The following EXOC7 variants were observed in gnomAD, a reference collection of about 807,000 sequenced individuals.
The protein encoded by EXOC7 is exocyst complex component 7.
EXOC7 carries 51 observed loss-of-function variants against 87.6 expected under a neutral mutation model. That is an observed-to-expected ratio of 0.58 (90% confidence interval 0.46 to 0.73). EXOC7 has a LOEUF of 0.73. Among genes scored for constraint, EXOC7 ranks in the 30% least tolerant of loss-of-function variants. The pLI, the probability that EXOC7 is intolerant of heterozygous loss-of-function variation, is 0.00. For missense variants in EXOC7, 744 were observed against 888.4 expected (o/e 0.84, Z 2.07); for synonymous variants, 327 against 357.1 (o/e 0.92, Z 0.95).
At chr17:76,098,133 G>T in intron 4 of EXOC7, 115 bp from the exon 5 acceptor site, 1 of 822,272 alleles carries the variant, frequency 1.2e-6, no homozygotes, top group Non-Finnish European at 1.9e-6. Flanking sequence ...GCCCTTTTCT[G>T]CCCTGATATC....
intron 5 of EXOC7, among the ~76,000 whole-genome samples, chr17:76,095,455 T>A (rs1297428388): frequency 1.3e-5 from 2 of 152,198 alleles, no homozygotes; most frequent in African/African-American, 4.8e-5. Flanking sequence ...TTTTAAATAG[T>A]ACTTTTTTTT....
intron 12 of EXOC7, chr17:76,086,794 G>C: frequency 6.7e-7 from 1 of 1,487,256 alleles, no homozygotes; most frequent in South Asian, 1.2e-5. Context: ...CAGTCCCCAG[G>C]GAACCTCACC....
chr17:76,102,032 G>A lies in EXOC7; in HGVS notation c.127-169C>T, dbSNP rs546186180. ...CCACTGTATCTTCAGCACCTATCATGTGCCTGGCATATAGTAGGTGGTCTA... is the reference window on the plus strand; with the variant it reads ...CCACTGTATCTTCAGCACCTATCATATGCCTGGCATATAGTAGGTGGTCTA... On this transcript the variant is annotated intron_variant, in intron 2 of 18. Coordinates refer to ENST00000589210, the MANE Select transcript of EXOC7 (RefSeq NM_001013839.4). Among the ~76,000 whole-genome samples the A allele has an allele frequency of 3.3e-5, 5 of 152,254 alleles. No individual in the cohort carries two copies. The South Asian group carries it at 6.2e-4, about 19-fold the overall frequency.
Position 76,085,765 on chromosome 17 carries a change from G to C in EXOC7, c.1528C>G (p.Leu510Val), listed in dbSNP as rs752646985. 8.7e-6 allele frequency: 14 copies of C among 1,613,678 alleles called. 1 individual carries two copies. The South Asian group carries it at 1.5e-4, about 18-fold the overall frequency. Residue 510 changes from leucine (L) to valine (V), a missense_variant, in exon 14 of 19, where the codon CTG (leucine) becomes GTG (valine). Around this residue, in one of 3 missense-constraint regions of EXOC7, gnomAD observed 228 missense variants for 298.6 expected, o/e 0.76. Transcript: ENST00000589210. ...KVLGNLQLNL[L>V]SKSKVYEDPA... The stretch of plus-strand genomic sequence containing the variant: ...TCCTCGTACACCTTGGACTTGCTCA[G>C]CAAGTTCAACTGCAGGTTGCCCAGC...
chr17:76,082,004 G>C lies in EXOC7; in HGVS notation c.*1644C>G. ...GAGCGGCCCCAGCCCAGCCCCGAGA[G>C]GGGAACAGCGAGAGCACGGCAACCC... On this transcript the variant is annotated 3_prime_UTR_variant, in exon 19 of 19. Coordinates refer to ENST00000589210, the MANE Select transcript of EXOC7 (RefSeq NM_001013839.4). 2 of 1,611,596 alleles carry C rather than the reference G, an allele frequency of 1.2e-6. No homozygotes were observed. Among genetic ancestry groups the C allele is most frequent in the East Asian group, 4.5e-5 (2 of 44,832 alleles).
Position 76,085,412 on chromosome 17 carries a change from G to A in EXOC7, c.1617-3C>T, listed in dbSNP as rs376586430. 3.1e-6 allele frequency: 5 copies of A among 1,607,702 alleles called. No homozygotes were observed. In the African/African-American group the frequency reaches 5.3e-5, roughly 17 times the overall value. On this transcript the variant is annotated splice_polypyrimidine_tract_variant and splice_region_variant and intron_variant, in intron 14 of 18. Coordinates refer to ENST00000589210, the MANE Select transcript of EXOC7 (RefSeq NM_001013839.4). ...CCACCAGCTGGATCAGTTCAGACCT[G>A]GGTCGGGGTAGGGGACAGAGGAGAG... is the stretch of plus-strand genomic sequence containing the variant.
chr17:76,090,664 A>G, intron 7 of EXOC7: 1 of 619,142 alleles, frequency 1.6e-6, no homozygotes, highest in Non-Finnish European at 2.8e-6. Context: ...GAAAGCGGAG[A>G]AGGACCAAGG....
At chr17:76,084,640 G>A in intron 15 of EXOC7, 60 bp from the exon 16 acceptor site, 2 of 1,499,906 alleles carry the variant, frequency 1.3e-6, no homozygotes, top group South Asian at 2.3e-5. Context: ...GGCCTGGCTT[G>A]TTTCGTTTGC....
Position 76,083,447 on chromosome 17 carries a change from C to A in EXOC7, c.*201G>T. On this transcript the variant is annotated 3_prime_UTR_variant, in exon 19 of 19. Transcript: ENST00000589210. ...GGGACCCCAGGCTTCCGGGAGAGTG[C>A]TGGTTCGGCTGGGAACACGGGCTGT... is the stretch of plus-strand genomic sequence containing the variant. 1 of 589,416 alleles carries A rather than the reference C, an allele frequency of 1.7e-6. No individual in the cohort carries two copies. Among genetic ancestry groups the A allele is most frequent in the South Asian group, 2.0e-5 (1 of 50,970 alleles). The allele number at this position is 589,416 out of a possible 1,614,324, so 36.5% of individuals were successfully genotyped here. A position where few individuals can be genotyped will look rare whatever the true frequency, so the allele number is the denominator to read the frequency against.
In EXOC7 at chr17:76,089,577, C is replaced by T. The variant is rs185170854; in HGVS notation, c.902-257G>A. 7 of 548,928 alleles carry T rather than the reference C, an allele frequency of 1.3e-5. No individual in the cohort carries two copies. In the Admixed American group the frequency reaches 1.9e-4, roughly 15 times the overall value. The allele number at this position is 548,928 out of a possible 1,614,324, so 34.0% of individuals were successfully genotyped here. A position where few individuals can be genotyped will look rare whatever the true frequency, so the allele number is the denominator to read the frequency against. On this transcript the variant is annotated intron_variant, in intron 7 of 18. Transcript: ENST00000589210. ...AGACAGTGGGATCAGACACCAGAGG[C>T]AGGAGAGTGACGGATGGAAAGATAA...
chr17:76,101,270 C>T lies in EXOC7; in HGVS notation c.417+1G>A. The T allele has an allele frequency of 6.2e-7, 1 of 1,614,060 alleles. No homozygotes were observed. The highest frequency in any genetic ancestry group is 8.5e-7 in the Non-Finnish European group (1 of 1,180,020). ...CTCACGTTATTCTGCGGACCCCTTA[C>T]CACTTTGTTGAGTTCCGGGCTGTCT... On this transcript the variant is annotated splice_donor_variant, in intron 4 of 18. Coordinates refer to ENST00000589210, the MANE Select transcript of EXOC7 (RefSeq NM_001013839.4). LOFTEE classifies it high-confidence loss of function.
rs763953146 is a variant in EXOC7, at chr17:76,082,485, G to A, written c.*1163C>T. The A allele has an allele frequency of 4.3e-6, 7 of 1,613,004 alleles. No homozygotes were observed. In the African/African-American group the frequency reaches 8.0e-5, roughly 18 times the overall value. On this transcript the variant is annotated 3_prime_UTR_variant, in exon 19 of 19. Coordinates refer to ENST00000589210, the MANE Select transcript of EXOC7 (RefSeq NM_001013839.4). ...CAGAGCCCTCCAGAGGAGTAAAGGG[G>A]TCACAGAGAAGCTGGCCTGAGACTG... is the stretch of plus-strand genomic sequence containing the variant.
At chr17:76,090,230 G>A in intron 7 of EXOC7, 1 of 1,366,868 alleles carries the variant, frequency 7.3e-7, no homozygotes, top group South Asian at 1.4e-5. Flanking sequence ...CATCCTCAGA[G>A]CAGAGTGGGC....
chr17:76,091,272 C>T (rs766780867), intron 6 of EXOC7, 37 bp from the exon 7 acceptor site: 1 of 1,585,374 alleles, frequency 6.3e-7, no homozygotes, highest in South Asian at 1.1e-5. Flanking sequence ...GATAAGAAGA[C>T]CTAGGAAATG....
In EXOC7 at chr17:76,087,554, C is replaced by T. The variant is rs1598302907; in HGVS notation, c.1429+100G>A. The stretch of plus-strand genomic sequence containing the variant: ...TGCTGAGCACACCTCAACCCCTCCA[C>T]AGACTGGAGATACCTCCTCACTGCT... On this transcript the variant is annotated intron_variant, in intron 12 of 18. Coordinates refer to ENST00000589210, the MANE Select transcript of EXOC7 (RefSeq NM_001013839.4). 6.5e-6 allele frequency: 8 copies of T among 1,230,322 alleles called. No homozygotes were observed. In the East Asian group the frequency reaches 1.5e-4, roughly 23 times the overall value. 76.2% of individuals were successfully genotyped at this position (1,230,322 alleles called of 1,614,324 possible).
intron 4 of EXOC7, among the ~76,000 whole-genome samples, chr17:76,098,935 G>C (rs1598343913): frequency 6.6e-6 from 1 of 151,910 alleles, no homozygotes. Context: ...TCTTGTTAGT[G>C]GGGGGTTTGC....
rs1385600435 is a variant in EXOC7, at chr17:76,085,413, G to A, written c.1617-4C>T. ...CACCAGCTGGATCAGTTCAGACCTG[G>A]GTCGGGGTAGGGGACAGAGGAGAGG... is the stretch of plus-strand genomic sequence containing the variant. On this transcript the variant is annotated splice_polypyrimidine_tract_variant and splice_region_variant and intron_variant, in intron 14 of 18. Transcript: ENST00000589210. The A allele has an allele frequency of 2.5e-6, 4 of 1,607,052 alleles. No individual in the cohort carries two copies. Among genetic ancestry groups the A allele is most frequent in the Non-Finnish European group, 3.4e-6 (4 of 1,177,976 alleles).
chr17:76,103,742 C>T lies in EXOC7; in HGVS notation c.-50G>A, dbSNP rs1368926843. 13 of 1,546,198 alleles carry T rather than the reference C, an allele frequency of 8.4e-6. No individual in the cohort carries two copies. Among genetic ancestry groups the T allele is most frequent in the Non-Finnish European group, 1.1e-5 (13 of 1,143,954 alleles). On this transcript the variant is annotated 5_prime_UTR_variant, in exon 1 of 19. Transcript: ENST00000589210. ...TCCCCAGTATCTTTCCTCCGCGGGC[C>T]CACCGGGCCCCCGTCCCCGTCACAC...
intron 15 of EXOC7, 76 bp from the exon 16 acceptor site, chr17:76,084,656 C>A: frequency 7.5e-7 from 1 of 1,342,170 alleles, no homozygotes; most frequent in Non-Finnish European, 1.1e-6. Flanking sequence ...TTTGCTAAAT[C>A]TCTGGATCTA....
Sources: gnomAD v4.1 joint callset for allele counts (sites outside exome capture counted in the v4.1 genomes callset) on GRCh38, gnomAD v4.1.1 for gene constraint, gnomAD v4.1.1 regional missense constraint, MANE v1.5 for transcripts, NCBI Gene and HGNC (gene_info 2026-07-23, HGNC 2026-07-21) for gene names.